TULP4: variants seen among roughly 807,000 people sequenced by gnomAD.
TULP4 encodes tubby-related protein 4.
A neutral mutation model predicts 129.0 loss-of-function variants in TULP4; 16 were observed. That is an observed-to-expected ratio of 0.12 (90% CI 0.08 to 0.19). The LOEUF is 0.19. Ranked by LOEUF, TULP4 falls within the 10% of genes least tolerant of loss-of-function variation. The pLI is 1.00. For missense variants in TULP4, 1,842 were observed against 2,059.1 expected, an observed-to-expected ratio of 0.89 and a Z score of 2.04; for synonymous variants, 998 against 854.0, an observed-to-expected ratio of 1.17 and a Z score of -2.94.
intron 1 of TULP4, among the ~76,000 whole-genome samples, chr6:158,401,631 G>A (rs1194046185): frequency 1.2e-5 from 1 of 80,306 alleles, no homozygotes; most frequent in Non-Finnish European, 2.7e-5. Context: ...CCAGGGTGTG[G>A]TCAAGCCGTT....
chr6:158,455,997 G>A (rs928208524), intron 5 of TULP4, among the ~76,000 whole-genome samples: 10 of 152,172 alleles, frequency 6.6e-5, no homozygotes, highest in African/African-American at 2.2e-4. Context: ...AGGCCACATG[G>A]TTGAAGTTTT....
chr6:158,256,163 G>A (rs776093998), intron 1 of TULP4, among the ~76,000 whole-genome samples: 3 of 152,252 alleles, frequency 2.0e-5, no homozygotes, highest in Non-Finnish European at 4.4e-5. Context: ...GCAAGGAGCA[G>A]TCAGTGGTTA....
At chr6:158,248,293 G>A (rs560900258) in intron 1 of TULP4, among the ~76,000 whole-genome samples, 3 of 151,698 alleles carry the variant, frequency 2.0e-5, no homozygotes, top group East Asian at 2.0e-4. Context: ...TTCTTGAGAC[G>A]GAGTCTCGCT....
chr6:158,404,222 C>T (rs1777922131), intron 1 of TULP4, among the ~76,000 whole-genome samples: 2 of 152,136 alleles, frequency 1.3e-5, no homozygotes, highest in African/African-American at 4.8e-5. Flanking sequence ...GATTTTTCTT[C>T]CTAGCAGCAT....
intron 1 of TULP4, among the ~76,000 whole-genome samples, chr6:158,284,102 A>G (rs934037927): frequency 6.6e-6 from 1 of 152,198 alleles, no homozygotes; most frequent in Non-Finnish European, 1.5e-5. Flanking sequence ...AGAAAAATCC[A>G]TAGGTGGGGA....
In TULP4 at chr6:158,425,513, CAAAAAAAAAAAAA is replaced by C. The variant is rs35469800; in HGVS notation, c.382-4212_382-4200del. On this transcript the variant is annotated intron_variant, in intron 2 of 13. Coordinates refer to ENST00000367097, the MANE Select transcript of TULP4 (RefSeq NM_020245.5). The stretch of plus-strand genomic sequence containing the variant: ...GGAAAAGAAGAGCAAAACTCCGTCT[CAAAAAAAAAAAAA>C]AAAAAAAAAATGGCAGCCGACGCAA... Among the ~76,000 whole-genome samples, 42 of 61,886 alleles carry C rather than the reference CAAAAAAAAAAAAA, an allele frequency of 6.8e-4. 2 individuals are homozygous for C. The highest frequency in any genetic ancestry group is 5.8e-4 in the Non-Finnish European group (22 of 37,710). The allele number at this position is 61,886 out of a possible 152,430, so 40.6% of individuals were successfully genotyped here. A position where few individuals can be genotyped will look rare whatever the true frequency, so the allele number is the denominator to read the frequency against.
chr6:158,422,867 A>G (rs976519140), intron 2 of TULP4, among the ~76,000 whole-genome samples: 1 of 152,144 alleles, frequency 6.6e-6, no homozygotes, highest in Non-Finnish European at 1.5e-5. Context: ...ACACGTGGGG[A>G]TATGTGGGGG....
At chr6:158,409,704 T>C (rs944517374) in intron 1 of TULP4, among the ~76,000 whole-genome samples, 4 of 152,202 alleles carry the variant, frequency 2.6e-5, no homozygotes, top group Non-Finnish European at 4.4e-5. Context: ...CATTAGCAGT[T>C]TGGCTTTATT....
chr6:158,495,520 A>G (rs1447485482), intron 11 of TULP4, among the ~76,000 whole-genome samples: 2 of 152,206 alleles, frequency 1.3e-5, no homozygotes, highest in Non-Finnish European at 2.9e-5. Flanking sequence ...TCCTGAAGAA[A>G]GTGGAGAAGA....
intron 1 of TULP4, among the ~76,000 whole-genome samples, chr6:158,245,490 A>G (rs1415913011): frequency 1.3e-5 from 2 of 152,146 alleles, no homozygotes; most frequent in Non-Finnish European, 2.9e-5. Context: ...GTCCTCTCAG[A>G]TAGCCTATGT....
chr6:158,496,113 CT>C (rs1323280506), intron 11 of TULP4, among the ~76,000 whole-genome samples: 9 of 152,210 alleles, frequency 5.9e-5, no homozygotes, highest in African/African-American at 2.2e-4. Flanking sequence ...CAACTTCCTT[CT>C]GTTGGGGAGG....
intron 1 of TULP4, among the ~76,000 whole-genome samples, chr6:158,393,723 C>T (rs1777643557): frequency 6.6e-6 from 1 of 152,222 alleles, no homozygotes; most frequent in Non-Finnish European, 1.5e-5. Flanking sequence ...TAAGGCTGCA[C>T]AGAGCAGCAG....
intron 1 of TULP4, among the ~76,000 whole-genome samples, chr6:158,249,487 G>C (rs1413016298): frequency 6.6e-6 from 1 of 152,196 alleles, no homozygotes; most frequent in Admixed American, 6.5e-5. Context: ...TTGCCTCTGA[G>C]GGACTTGGGA....
In TULP4 at chr6:158,349,606, G is replaced by A. The variant is rs188436429; in HGVS notation, c.252+35338G>A. Among the ~76,000 whole-genome samples the A allele has an allele frequency of 1.2e-3, 176 of 142,412 alleles. 3 individuals carry two copies. The highest frequency in any genetic ancestry group is 0.011 in the East Asian group (51 of 4,646). The allele number at this position is 142,412 out of a possible 152,430, so 93.4% of individuals were successfully genotyped here. On this transcript the variant is annotated intron_variant, in intron 1 of 13. Coordinates refer to ENST00000367097, the MANE Select transcript of TULP4 (RefSeq NM_020245.5). Reference sequence around the variant, plus strand: ...TCACCTCCCAGATAGGGTGGCAGCCGGGCAGAGGCGCCCCTCACTTCCCAG... The same window carrying A: ...TCACCTCCCAGATAGGGTGGCAGCCAGGCAGAGGCGCCCCTCACTTCCCAG...
intron 1 of TULP4, among the ~76,000 whole-genome samples, chr6:158,258,258 T>C (rs1434210915): frequency 6.6e-6 from 1 of 152,204 alleles, no homozygotes; most frequent in African/African-American, 2.4e-5. Flanking sequence ...GAGGACACTC[T>C]TTCTTTCTCT....
In TULP4 at chr6:158,494,753, C is replaced by T. The variant is rs780750624; in HGVS notation, c.1777C>T (p.His593Tyr). The T allele has an allele frequency of 6.2e-7, 1 of 1,611,486 alleles. No homozygotes were observed. Among genetic ancestry groups the T allele is most frequent in the East Asian group, 2.2e-5 (1 of 44,836 alleles). The part of the protein sequence containing the change: ...REFPFEDITQ[H>Y]NYLAQVTSNI... ...CTTTTTTCTTTTCTTCCTACCGCAG[C>T]ACAACTATCTTGCTCAGGTCACGTC... is the stretch of plus-strand genomic sequence containing the variant. Residue 593 changes from histidine to tyrosine, a missense_variant and splice_region_variant, in exon 11 of 14, where the codon CAC becomes TAC. Physicochemically the swap from His to Tyr is moderately conservative, Grantham distance 83. Coordinates refer to ENST00000367097, the MANE Select transcript of TULP4 (RefSeq NM_020245.5).
chr6:158,419,608 A>G (rs1778292446), intron 2 of TULP4, among the ~76,000 whole-genome samples: 1 of 152,244 alleles, frequency 6.6e-6, no homozygotes, highest in African/African-American at 2.4e-5. Context: ...AAACTTAAGG[A>G]CATAAACACA....
At chr6:158,271,454 G>A (rs1311225767) in intron 1 of TULP4, among the ~76,000 whole-genome samples, 1 of 146,848 alleles carries the variant, frequency 6.8e-6, no homozygotes, top group Non-Finnish European at 1.5e-5. Flanking sequence ...TTTTTTTTGA[G>A]ATAGGTTCTT....
At chr6:158,463,673 GA>G (rs1337711224) in intron 6 of TULP4, among the ~76,000 whole-genome samples, 1 of 125,484 alleles carries the variant, frequency 8.0e-6, no homozygotes, top group African/African-American at 3.1e-5. Flanking sequence ...TATATAAAAA[GA>G]AAAAATAAAT....
Sources: allele counts gnomAD v4.1 joint callset (sites outside exome capture counted in the v4.1 genomes callset), GRCh38; gene constraint gnomAD v4.1.1; transcripts MANE v1.5; gene names NCBI Gene and HGNC (gene_info 2026-07-23, HGNC 2026-07-21).